CDC5L: variants seen among roughly 807,000 people sequenced by gnomAD.
The protein encoded by CDC5L is cell division cycle 5-like protein.
CDC5L carries 18 observed loss-of-function variants against 104.1 expected under a neutral mutation model. The observed-to-expected ratio is 0.17, with a 90% confidence interval of 0.12 to 0.26. The LOEUF (loss-of-function observed/expected upper bound fraction) is 0.26. Ranked by LOEUF, CDC5L falls within the 10% of genes least tolerant of loss-of-function variation. The pLI is 1.00. For missense variants in CDC5L, 673 were observed against 956.9 expected, an observed-to-expected ratio of 0.70 and a Z score of 3.91; for synonymous variants, 331 against 322.7, an observed-to-expected ratio of 1.03 and a Z score of -0.28.
intron 14 of CDC5L, among the ~76,000 whole-genome samples, chr6:44,438,636 T>G (rs1793043553): frequency 6.6e-6 from 1 of 151,700 alleles, no homozygotes; most frequent in African/African-American, 2.4e-5. Flanking sequence ...CTTGATGGTG[T>G]TGTAAAATTT....
At chr6:44,435,354 T>C (rs1792883767) in intron 14 of CDC5L, among the ~76,000 whole-genome samples, 2 of 152,018 alleles carry the variant, frequency 1.3e-5, no homozygotes, top group Admixed American at 1.3e-4. Context: ...CTGAGGAAAG[T>C]AAAAGCTTTT....
At chr6:44,415,207 G>A (rs1791854763) in intron 8 of CDC5L, among the ~76,000 whole-genome samples, 1 of 152,112 alleles carries the variant, frequency 6.6e-6, no homozygotes, top group East Asian at 1.9e-4. Flanking sequence ...GTTTTTAATA[G>A]GCTTTTTAAC....
At chr6:44,430,487 T>C (rs1038159026) in intron 14 of CDC5L, among the ~76,000 whole-genome samples, 2 of 149,908 alleles carry the variant, frequency 1.3e-5, no homozygotes, top group African/African-American at 2.5e-5. Context: ...TAATATAGTT[T>C]GCATATTTTG....
chr6:44,406,514 A>T, intron 7 of CDC5L, 47 bp downstream of exon 7: 1 of 1,512,862 alleles, frequency 6.6e-7, no homozygotes, highest in Non-Finnish European at 9.1e-7. Flanking sequence ...TTATATGCTT[A>T]TATCATTTAT....
chr6:44,444,552 C>T (rs1793358922), intron 14 of CDC5L, among the ~76,000 whole-genome samples: 1 of 152,126 alleles, frequency 6.6e-6, no homozygotes, highest in South Asian at 2.1e-4. Context: ...CCCCCATTAG[C>T]TCTCTGATGC....
intron 14 of CDC5L, among the ~76,000 whole-genome samples, chr6:44,441,329 T>A (rs561657919): frequency 1.3e-5 from 2 of 152,272 alleles, no homozygotes; most frequent in African/African-American, 2.4e-5. Context: ...TTTCCTGTTT[T>A]TTAAAGACTG....
At chr6:44,426,252 A>G in intron 12 of CDC5L, 69 bp downstream of exon 12, 1 of 1,131,898 alleles carries the variant, frequency 8.8e-7, no homozygotes. Flanking sequence ...GTTTTACATC[A>G]TTCATAAAGA....
rs1347373704 is a variant in CDC5L, at chr6:44,390,279, G to C, written c.57G>C (p.Leu19=). 1 of 1,610,978 alleles carries C rather than the reference G, an allele frequency of 6.2e-7. No individual in the cohort carries two copies. Among genetic ancestry groups the C allele is most frequent in the Non-Finnish European group, 8.5e-7 (1 of 1,177,812 alleles). The change falls in exon 2 of 16, where the codon CTG becomes CTC. Residue 19 remains leucine, a synonymous_variant. Coordinates refer to ENST00000371477, the MANE Select transcript of CDC5L (RefSeq NM_001253.4). ...GCAATTTTTTTTAGGATGAAATTCTGAAAGCAGCGGTAATGAAATATGGGA... is the reference window on the plus strand; with the variant it reads ...GCAATTTTTTTTAGGATGAAATTCTCAAAGCAGCGGTAATGAAATATGGGA... The part of the protein sequence containing the change: ...GVWRNTEDEI[L]KAAVMKYGKN...
chr6:44,427,234 T>C (rs1792465589), intron 13 of CDC5L, among the ~76,000 whole-genome samples: 1 of 152,246 alleles, frequency 6.6e-6, no homozygotes, highest in Non-Finnish European at 1.5e-5. Flanking sequence ...TGATTTCTTA[T>C]ATGAAGTCTG....
chr6:44,436,574 A>G (rs1421556319), intron 14 of CDC5L, among the ~76,000 whole-genome samples: 1 of 152,188 alleles, frequency 6.6e-6, no homozygotes. Flanking sequence ...TTTAGAGTAG[A>G]TACAATATTG....
At chr6:44,405,726 A>G (rs1301357852) in intron 6 of CDC5L, among the ~76,000 whole-genome samples, 1 of 152,098 alleles carries the variant, frequency 6.6e-6, no homozygotes, top group Admixed American at 6.6e-5. Flanking sequence ...TTTTGACATT[A>G]TGTGGAATGT....
chr6:44,443,628 C>A (rs1239044191), intron 14 of CDC5L, among the ~76,000 whole-genome samples: 1 of 149,882 alleles, frequency 6.7e-6, no homozygotes, highest in Non-Finnish European at 1.5e-5. Context: ...CTGTCAAACC[C>A]CTATATTGAA....
intron 8 of CDC5L, among the ~76,000 whole-genome samples, chr6:44,418,878 A>C (rs1554159820): frequency 3.0e-5 from 4 of 134,520 alleles, no homozygotes; most frequent in African/African-American, 8.3e-5. Flanking sequence ...GTTTGAGTTC[A>C]TTGTAGATTC....
chr6:44,440,063 T>C (rs1287118738), intron 14 of CDC5L, among the ~76,000 whole-genome samples: 3 of 152,176 alleles, frequency 2.0e-5, no homozygotes, highest in Non-Finnish European at 2.9e-5. Flanking sequence ...TTTTCATGAA[T>C]TTATTGTTCA....
intron 14 of CDC5L, among the ~76,000 whole-genome samples, chr6:44,442,262 T>C (rs1016989992): frequency 6.6e-6 from 1 of 152,164 alleles, no homozygotes; most frequent in African/African-American, 2.4e-5. Context: ...TTGGGGAATG[T>C]AATCCATTTA....
Position 44,446,931 on chromosome 6 carries a change from T to C in CDC5L, c.*220T>C. ...TAAATTATTAAGGCTATCATTCTTT[T>C]AGTAATGTCATATTTGCAAACTTTT... On this transcript the variant is annotated 3_prime_UTR_variant, in exon 16 of 16. Transcript: ENST00000371477. 3.0e-6 allele frequency: 1 copy of C among 328,516 alleles called. No homozygotes were observed. Among genetic ancestry groups the C allele is most frequent in the Non-Finnish European group, 5.5e-6 (1 of 182,268 alleles). 20.4% of individuals were successfully genotyped at this position (328,516 alleles called of 1,614,324 possible). A position where few individuals can be genotyped will look rare whatever the true frequency, so the allele number is the denominator to read the frequency against.
rs11571966 is a variant in CDC5L, at chr6:44,408,213, A to G, written c.904-231A>G. 8.0e-3 allele frequency among the ~76,000 whole-genome samples: 1,210 copies of G among 151,036 alleles called. 20 individuals carry two copies. The highest frequency in any genetic ancestry group is 0.028 in the African/African-American group (1,155 of 41,068). On this transcript the variant is annotated intron_variant, in intron 7 of 15. Coordinates refer to ENST00000371477, the MANE Select transcript of CDC5L (RefSeq NM_001253.4). ...ATTAATCACACAGCTTCAGCAATTCATTTTTCTGGAATATGGAAATTTAAA... is the reference window on the plus strand; with the variant it reads ...ATTAATCACACAGCTTCAGCAATTCGTTTTTCTGGAATATGGAAATTTAAA...
intron 14 of CDC5L, 34 bp from the exon 15 acceptor site, chr6:44,445,621 A>T: frequency 1.3e-6 from 2 of 1,498,468 alleles, no homozygotes; most frequent in South Asian, 2.3e-5. Flanking sequence ...TGCTTTTCTC[A>T]TGTATGCTGA....
chr6:44,404,108 A>T, intron 6 of CDC5L, 81 bp downstream of exon 6: 1 of 851,246 alleles, frequency 1.2e-6, no homozygotes, highest in Non-Finnish European at 1.7e-6. Context: ...TCCTTGTCAG[A>T]GCCAGATTTT....
Sources: gnomAD v4.1 joint callset for allele counts (sites outside exome capture counted in the v4.1 genomes callset) on GRCh38, gnomAD v4.1.1 for gene constraint, MANE v1.5 for transcripts, NCBI Gene and HGNC (gene_info 2026-07-23, HGNC 2026-07-21) for gene names.